USP24: variants seen among roughly 807,000 people sequenced by gnomAD.
USP24 encodes ubiquitin carboxyl-terminal hydrolase 24.
A neutral mutation model predicts 361.6 loss-of-function variants in USP24; 97 were observed. The observed-to-expected ratio is 0.27, with a 90% CI of 0.23 to 0.32. USP24 has a LOEUF of 0.32. Ranked by LOEUF, USP24 falls within the 10% of genes least tolerant of loss-of-function variation. USP24 has a pLI of 1.00. For missense variants in USP24, 2,353 were observed against 3,165.6 expected (o/e 0.74, Z 6.16); for synonymous variants, 1,098 against 1,124.6 (o/e 0.98, Z 0.47).
In USP24 at chr1:55,146,034, T is replaced by G; in HGVS notation, c.2326A>C (p.Ile776Leu). The G allele has an allele frequency of 6.2e-7, 1 of 1,612,958 alleles. No homozygotes were observed. The highest frequency in any genetic ancestry group is 8.5e-7 in the Non-Finnish European group (1 of 1,179,474). Residue 776 changes from isoleucine to leucine, a missense_variant, in exon 20 of 68, where the codon ATT becomes CTT. Physicochemically the swap from Ile to Leu is conservative, Grantham distance 5. Around this residue, in one of 8 missense-constraint regions of USP24, gnomAD observed 949 missense variants for 1,280.5 expected, o/e 0.74. Transcript: ENST00000294383. ...DVQQQLFKEK[I>L]LKLESYEITM... ...ATTTCATATGACTCCAATTTAAGAA[T>G]TTTCTCCTTGAAGAGCTGCTGCTGA... is the stretch of plus-strand genomic sequence containing the variant.
chr1:55,154,677 A>C lies in USP24; in HGVS notation c.1548T>G (p.Ile516Met). 1 of 1,612,900 alleles carries C rather than the reference A, an allele frequency of 6.2e-7. No homozygotes were observed. Among genetic ancestry groups the C allele is most frequent in the Non-Finnish European group, 8.5e-7 (1 of 1,179,366 alleles). The change falls in exon 13 of 68, where the codon ATT becomes ATG. Residue 516 changes from isoleucine (I) to methionine (M), a missense_variant. By Grantham distance (10) the Ile-to-Met change is conservative (BLOSUM62 1). This residue lies in a region of USP24 where 386 missense variants were observed against 560.5 expected (regional missense o/e 0.69). Transcript: ENST00000294383. The stretch of plus-strand genomic sequence containing the variant: ...AGTCTGACTGAACACGTACCTTCTG[A>C]ATGAGAACAAACAAATGATTAAGCT... ...SDQLNHLFVL[I>M]QKSWETESDR...
In USP24 at chr1:55,101,570, A is replaced by G. The variant is rs1490291242; in HGVS notation, c.5145+14T>C. 3 of 1,598,490 alleles carry G rather than the reference A, an allele frequency of 1.9e-6. No homozygotes were observed. Among genetic ancestry groups the G allele is most frequent in the South Asian group, 2.3e-5 (2 of 88,092 alleles). ...TTATCTATCGTACCAAAAAGGATAG[A>G]AAAAAGAAATCACCTCAGGGAGCCC... On this transcript the variant is annotated intron_variant, in intron 43 of 67. Transcript: ENST00000294383.
chr1:55,132,134 G>A lies in USP24; in HGVS notation c.3537+411C>T, dbSNP rs565580402. Among the ~76,000 whole-genome samples, 6 of 152,214 alleles carry A rather than the reference G, an allele frequency of 3.9e-5. 1 individual carries two copies. Among genetic ancestry groups the A allele is most frequent in the African/African-American group, 1.2e-4 (5 of 41,542 alleles). ...TTCTTTTGGGGAGGCTAATTACAACGAACTGAGTGTTTGTATTCCCCTAAA... is the reference window on the plus strand; with the variant it reads ...TTCTTTTGGGGAGGCTAATTACAACAAACTGAGTGTTTGTATTCCCCTAAA... On this transcript the variant is annotated intron_variant, in intron 31 of 67. Transcript: ENST00000294383.
chr1:55,207,916 G>T (rs1644753109), intron 1 of USP24, among the ~76,000 whole-genome samples: 2 of 152,200 alleles, frequency 1.3e-5, no homozygotes, highest in Non-Finnish European at 2.9e-5. Flanking sequence ...TTTATCTTTA[G>T]AAGTGGGAAG....
At chr1:55,105,445 C>G (rs1645745876) in intron 41 of USP24, among the ~76,000 whole-genome samples, 1 of 152,154 alleles carries the variant, frequency 6.6e-6, no homozygotes, top group Non-Finnish European at 1.5e-5. Flanking sequence ...TTGTCCATTT[C>G]AATAACCACT....
In USP24 at chr1:55,177,941, A is replaced by C. The variant is rs1051799565; in HGVS notation, c.490+26T>G. 12 of 1,542,780 alleles carry C rather than the reference A, an allele frequency of 7.8e-6. No individual in the cohort carries two copies. The Admixed American group carries it at 1.4e-4, about 19-fold the overall frequency. On this transcript the variant is annotated intron_variant, in intron 2 of 67. Transcript: ENST00000294383. ...GGCCTTCTATGAAACAAATGTCCTC[A>C]TGTGTTCTAAGGTCTGAAAACTTAC...
chr1:55,128,895 T>C (rs543180951), intron 32 of USP24, among the ~76,000 whole-genome samples: 23 of 151,960 alleles, frequency 1.5e-4, no homozygotes, highest in African/African-American at 5.3e-4. Flanking sequence ...TTTATTTTTA[T>C]TTTTAGTAGA....
At chr1:55,199,614 T>TGAGA (rs1398156773) in intron 1 of USP24, among the ~76,000 whole-genome samples, 6 of 140,584 alleles carry the variant, frequency 4.3e-5, no homozygotes, top group African/African-American at 1.5e-4. Flanking sequence ...TGTGTGTGTG[T>TGAGA]GTGTGTGTGA....
chr1:55,081,346 C>G lies in USP24; in HGVS notation c.7054G>C (p.Asp2352His). The change falls in exon 59 of 68, where the codon GAT becomes CAT. Residue 2352 changes from aspartate to histidine, a missense_variant. Around this residue, in one of 8 missense-constraint regions of USP24, gnomAD observed 598 missense variants for 761.9 expected, o/e 0.78. Coordinates refer to ENST00000294383, the MANE Select transcript of USP24 (RefSeq NM_015306.3). ...NTVALLVLHS[D>H]VSSQRNVAPG... ...CCAACATTCCTTTGGGATGAGACAT[C>G]TGAATGCAAAACAAGTAACGCCACT... 1 of 1,613,674 alleles carries G rather than the reference C, an allele frequency of 6.2e-7. No homozygotes were observed. The highest frequency in any genetic ancestry group is 8.5e-7 in the Non-Finnish European group (1 of 1,179,676).
chr1:55,149,185 T>C (rs1211675622), intron 16 of USP24, among the ~76,000 whole-genome samples: 3 of 152,226 alleles, frequency 2.0e-5, no homozygotes, highest in African/African-American at 7.2e-5. Context: ...CTGAAACTGG[T>C]ATATGACAAT....
At chr1:55,208,546 T>C (rs1236234036) in intron 1 of USP24, among the ~76,000 whole-genome samples, 1 of 151,978 alleles carries the variant, frequency 6.6e-6, no homozygotes, top group African/African-American at 2.4e-5. Flanking sequence ...GGAGAATCAC[T>C]TGAACCTGGG....
intron 64 of USP24, among the ~76,000 whole-genome samples, chr1:55,073,229 C>T (rs898155034): frequency 5.9e-5 from 9 of 152,024 alleles, no homozygotes; most frequent in East Asian, 1.9e-4. Context: ...ATGTACATTT[C>T]ACCACAATTA....
At chr1:55,167,652 T>C (rs2100787464) in intron 5 of USP24, among the ~76,000 whole-genome samples, 1 of 152,264 alleles carries the variant, frequency 6.6e-6, no homozygotes, top group East Asian at 1.9e-4. Flanking sequence ...GTCTAGATAG[T>C]TCACAGCTGT....
At chr1:55,142,453 T>C (rs1402302397) in intron 23 of USP24, among the ~76,000 whole-genome samples, 1 of 152,174 alleles carries the variant, frequency 6.6e-6, no homozygotes, top group Non-Finnish European at 1.5e-5. Flanking sequence ...ATTACAAATA[T>C]GGAATGTATA....
intron 1 of USP24, among the ~76,000 whole-genome samples, chr1:55,207,405 T>G (rs1383681629): frequency 1.3e-5 from 2 of 152,220 alleles, no homozygotes; most frequent in Non-Finnish European, 2.9e-5. Context: ...TACAAAGATT[T>G]TAATTTCAGA....
At chr1:55,151,295 A>G (rs925839592) in intron 16 of USP24, among the ~76,000 whole-genome samples, 1 of 152,106 alleles carries the variant, frequency 6.6e-6, no homozygotes, top group African/African-American at 2.4e-5. Context: ...CACAGCAAAA[A>G]TTTTTGCTTG....
rs754070268 is a variant in USP24, at chr1:55,069,056, C to T, written c.7852G>A (p.Val2618Ile). The change falls in exon 68 of 68, where the codon GTT (valine) becomes ATT (isoleucine). Residue 2618 changes from valine (V) to isoleucine (I), a missense_variant. This residue lies in a region of USP24 where 53 missense variants were observed against 57.7 expected (regional missense o/e 0.92). Coordinates refer to ENST00000294383, the MANE Select transcript of USP24 (RefSeq NM_015306.3). ...IGELRSDLDD[V>I]DP Reference sequence around the variant, plus strand: ...CTGGGCATGTTCCTCTAGGGATCAACATCATCAAGGTCACTTCTCAACTCA... The same window carrying T: ...CTGGGCATGTTCCTCTAGGGATCAATATCATCAAGGTCACTTCTCAACTCA... 1.2e-5 allele frequency: 20 copies of T among 1,613,878 alleles called. No homozygotes were observed. Among genetic ancestry groups the T allele is most frequent in the South Asian group, 2.2e-5 (2 of 91,078 alleles).
intron 12 of USP24, among the ~76,000 whole-genome samples, chr1:55,155,246 A>G (rs889666268): frequency 6.6e-6 from 1 of 152,176 alleles, no homozygotes; most frequent in Non-Finnish European, 1.5e-5. Flanking sequence ...TATTTATCCT[A>G]TTGGCAGTAA....
Position 55,132,222 on chromosome 1 carries a change from C to T in USP24, c.3537+323G>A, listed in dbSNP as rs144438751. ...CCATCTATGAACCAGGAGGCCAGCC[C>T]ACACCAGACACCGAATCTGCTGGTG... On this transcript the variant is annotated intron_variant, in intron 31 of 67. Coordinates refer to ENST00000294383, the MANE Select transcript of USP24 (RefSeq NM_015306.3). 1.7e-4 allele frequency among the ~76,000 whole-genome samples: 26 copies of T among 152,214 alleles called. No individual in the cohort carries two copies. In the East Asian group the frequency reaches 4.6e-3, roughly 27 times the overall value.
Sources: allele counts gnomAD v4.1 joint callset (sites outside exome capture counted in the v4.1 genomes callset), GRCh38; gene constraint gnomAD v4.1.1; regional missense constraint gnomAD v4.1.1; transcripts MANE v1.5; gene names NCBI Gene and HGNC (gene_info 2026-07-23, HGNC 2026-07-21).